The following CCM2 variants were observed in gnomAD, a reference collection of about 807,000 sequenced individuals.
CCM2 encodes cerebral cavernous malformations 2 protein.
Under a neutral mutation model 44.9 loss-of-function variants are expected in CCM2, and 25 were observed. That is an observed-to-expected ratio of 0.56 (90% confidence interval 0.41 to 0.78). CCM2 has a LOEUF of 0.78. CCM2 is among the 30% of genes least tolerant of loss of function. The probability of loss-of-function intolerance (pLI) is 0.00; values close to 1 mark genes in which losing one functional copy is unlikely to be tolerated. For synonymous variants in CCM2, 219 were observed against 241.1 expected, an observed-to-expected ratio of 0.91 and a Z score of 0.85; for missense variants, 481 against 580.6, an observed-to-expected ratio of 0.83 and a Z score of 1.76.
chr7:45,017,266 A>G (rs1296616641), intron 1 of CCM2, among the ~76,000 whole-genome samples: 1 of 152,248 alleles, frequency 6.6e-6, no homozygotes, highest in African/African-American at 2.4e-5. Flanking sequence ...AGACAACATT[A>G]TATTCAGGCC....
intron 1 of CCM2, among the ~76,000 whole-genome samples, chr7:45,018,826 C>G (rs1796367645): frequency 6.6e-6 from 1 of 150,596 alleles, no homozygotes; most frequent in African/African-American, 2.5e-5. Flanking sequence ...GTAGCGCAAT[C>G]TCAGCTTACT....
intron 1 of CCM2, chr7:45,027,667 T>C (rs1193922257): frequency 6.2e-7 from 1 of 1,614,108 alleles, no homozygotes; most frequent in Admixed American, 1.7e-5. Flanking sequence ...GGCTAACATC[T>C]GGCCATATTT....
intron 1 of CCM2, among the ~76,000 whole-genome samples, chr7:45,005,623 A>G (rs1435134564): frequency 6.6e-6 from 1 of 152,178 alleles, no homozygotes; most frequent in East Asian, 1.9e-4. Flanking sequence ...ATCACCCTCT[A>G]TTGTTGGTTT....
In CCM2 at chr7:45,009,323, T is replaced by G. The variant is rs1279438056; in HGVS notation, c.30+8960T>G. 2.4e-5 allele frequency among the ~76,000 whole-genome samples: 3 copies of G among 123,978 alleles called. 1 individual carries two copies. The East Asian group carries it at 6.8e-4, about 28-fold the overall frequency. 81.3% of individuals were successfully genotyped at this position (123,978 alleles called of 152,430 possible). ...CTCAAAAAAAAAAAAAAAAAAAAAATTTTTGAGTACACCAAAGTTGAAAGA... is the reference window on the plus strand; with the variant it reads ...CTCAAAAAAAAAAAAAAAAAAAAAAGTTTTGAGTACACCAAAGTTGAAAGA... On this transcript the variant is annotated intron_variant, in intron 1 of 9. Coordinates refer to ENST00000258781, the MANE Select transcript of CCM2 (RefSeq NM_031443.4).
intron 1 of CCM2, among the ~76,000 whole-genome samples, chr7:45,001,853 A>G (rs932141351): frequency 6.6e-6 from 1 of 152,238 alleles, no homozygotes. Flanking sequence ...TAATGAAAAA[A>G]TTTAGGCATA....
At chr7:45,003,044 A>G (rs1331210355) in intron 1 of CCM2, among the ~76,000 whole-genome samples, 4 of 152,122 alleles carry the variant, frequency 2.6e-5, no homozygotes, top group Non-Finnish European at 5.9e-5. Context: ...TACCTACGGT[A>G]TGGACTCATG....
intron 1 of CCM2, 44 bp downstream of exon 1, chr7:45,000,407 G>A: frequency 8.3e-7 from 1 of 1,206,262 alleles, no homozygotes; most frequent in Non-Finnish European, 1.0e-6. Context: ...TCGGCGGGCG[G>A]CTGGGTTGAG....
chr7:45,008,657 C>T (rs927216513), intron 1 of CCM2, among the ~76,000 whole-genome samples: 6 of 149,524 alleles, frequency 4.0e-5, no homozygotes, highest in East Asian at 2.0e-4. Context: ...CCACCGCACC[C>T]GGCCAAGGGT....
intron 1 of CCM2, among the ~76,000 whole-genome samples, chr7:45,032,566 G>A (rs1423520364): frequency 6.6e-6 from 1 of 152,182 alleles, no homozygotes; most frequent in African/African-American, 2.4e-5. Flanking sequence ...TTTAATTTCA[G>A]TTACTTTACT....
At chr7:45,039,613 T>C (rs930927080) in intron 2 of CCM2, among the ~76,000 whole-genome samples, 1 of 151,686 alleles carries the variant, frequency 6.6e-6, no homozygotes, top group African/African-American at 2.4e-5. Flanking sequence ...ATGCAGAAAA[T>C]AGGGGAAGAA....
At chr7:45,023,112 A>C (rs1245126517) in intron 1 of CCM2, among the ~76,000 whole-genome samples, 2 of 150,812 alleles carry the variant, frequency 1.3e-5, no homozygotes, top group African/African-American at 4.9e-5. Flanking sequence ...TTCATCTCTC[A>C]CCTCCCTCCC....
intron 1 of CCM2, among the ~76,000 whole-genome samples, 164 bp from the exon 2 acceptor site, chr7:45,038,089 A>T (rs1797312940): frequency 6.6e-6 from 1 of 152,198 alleles, no homozygotes; most frequent in African/African-American, 2.4e-5. Flanking sequence ...GTGGTCCCTC[A>T]GGCTTGTGTG....
At position 45,047,254 on chromosome 7, in the gene CCM2, A is replaced by G. The variant is rs536852554; in HGVS notation, c.204+8828A>G. Among the ~76,000 whole-genome samples the G allele has an allele frequency of 3.9e-5, 6 of 152,336 alleles. No individual in the cohort carries two copies. The South Asian group carries it at 8.3e-4, about 21-fold the overall frequency. Reference sequence around the variant, plus strand: ...AATGAAAATTTATGTTCACATGAAAACCTGCCTACTAATATTCAAAACAGT... The same window carrying G: ...AATGAAAATTTATGTTCACATGAAAGCCTGCCTACTAATATTCAAAACAGT... On this transcript the variant is annotated intron_variant, in intron 2 of 9. Transcript: ENST00000258781.
rs747619583 is a variant in CCM2, at chr7:45,026,597, A to ATTT, written c.31-11635_31-11633dup. On this transcript the variant is annotated intron_variant, in intron 1 of 9. Coordinates refer to ENST00000258781, the MANE Select transcript of CCM2 (RefSeq NM_031443.4). ...CTGTGAATATAGTCACTCTAACCAGATTTTTTTTTTTTTTTTTTTTTTTGA... is the reference window on the plus strand; with the variant it reads ...CTGTGAATATAGTCACTCTAACCAGATTTTTTTTTTTTTTTTTTTTTTTTTTGA... Among the ~76,000 whole-genome samples, 475 of 114,414 alleles carry ATTT rather than the reference A, an allele frequency of 4.2e-3. 15 individuals carry two copies. Among genetic ancestry groups the ATTT allele is most frequent in the African/African-American group, 0.011 (318 of 29,596 alleles). 75.1% of individuals were successfully genotyped at this position (114,414 alleles called of 152,430 possible). A position where few individuals can be genotyped will look rare whatever the true frequency, so the allele number is the denominator to read the frequency against.
intron 1 of CCM2, among the ~76,000 whole-genome samples, chr7:45,019,694 T>C (rs1317817373): frequency 1.3e-5 from 2 of 152,140 alleles, no homozygotes; most frequent in Non-Finnish European, 1.5e-5. Context: ...GCAATTCTCC[T>C]ACCTTAGCCT....
chr7:45,009,940 C>G (rs1008704360), intron 1 of CCM2, among the ~76,000 whole-genome samples: 1 of 150,254 alleles, frequency 6.7e-6, no homozygotes, highest in African/African-American at 2.5e-5. Flanking sequence ...AACAGGGTCT[C>G]ACTCTGTCAC....
chr7:45,060,778 C>T (rs778144739), intron 2 of CCM2, among the ~76,000 whole-genome samples: 29 of 152,218 alleles, frequency 1.9e-4, no homozygotes, highest in Non-Finnish European at 3.8e-4. Flanking sequence ...TCTGGCATTT[C>T]CTACTGATTG....
chr7:45,037,735 A>G (rs996876935), intron 1 of CCM2, among the ~76,000 whole-genome samples: 2 of 151,622 alleles, frequency 1.3e-5, no homozygotes, highest in Non-Finnish European at 2.9e-5. Flanking sequence ...TCCCTTGTTG[A>G]TCTGCATTGG....
rs1325203082 is a variant in CCM2, at chr7:45,054,431, TATC to T, written c.205-9485_205-9483del. Among the ~76,000 whole-genome samples, 4 of 152,244 alleles carry T rather than the reference TATC, an allele frequency of 2.6e-5. No homozygotes were observed. The East Asian group carries it at 7.7e-4, about 29-fold the overall frequency. On this transcript the variant is annotated intron_variant, in intron 2 of 9. Coordinates refer to ENST00000258781, the MANE Select transcript of CCM2 (RefSeq NM_031443.4). Reference sequence around the variant, plus strand: ...GGCCCAGACCCTGCCACGGGAACTTTATCAATCAAGGCCAATAAAGAGAAGTTA... The same window carrying T: ...GGCCCAGACCCTGCCACGGGAACTTTAATCAAGGCCAATAAAGAGAAGTTA...
Sources: gnomAD v4.1 joint callset for allele counts (sites outside exome capture counted in the v4.1 genomes callset) on GRCh38, gnomAD v4.1.1 for gene constraint, MANE v1.5 for transcripts, NCBI Gene and HGNC (gene_info 2026-07-23, HGNC 2026-07-21) for gene names.